Variants in IRAG1 observed in about 807,000 individuals in gnomAD.
IRAG1 encodes IP3R-associated cGMP kinase substrate.
IRAG1 carries 62 observed loss-of-function variants against 106.2 expected under a neutral mutation model. The observed-to-expected ratio is 0.58, with a 90% CI of 0.48 to 0.72. IRAG1 has a LOEUF of 0.72. IRAG1 is among the 30% of genes least tolerant of loss of function. IRAG1 has a pLI of 0.00. For missense variants in IRAG1, 1,064 were observed against 1,140.7 expected (o/e 0.93, Z 0.97); for synonymous variants, 462 against 443.9 (o/e 1.04, Z -0.51).
chr11:10,668,647 CTAACATAATTGCAAT>C (rs1179468666), intron 1 of IRAG1, among the ~76,000 whole-genome samples: 1 of 152,216 alleles, frequency 6.6e-6, no homozygotes, highest in Non-Finnish European at 1.5e-5. Context: ...CAACCCTGCT[CTAACATAATTGCAAT>C]TATTTTTTTA....
chr11:10,594,322 G>A (rs1388091531), intron 15 of IRAG1, 127 bp from the exon 16 acceptor site: 7 of 802,464 alleles, frequency 8.7e-6, no homozygotes, highest in Non-Finnish European at 1.4e-5. Flanking sequence ...CAAGGGTCTG[G>A]GTGTTGGGGA....
Position 10,659,046 on chromosome 11 carries a change from C to T in IRAG1, c.68-6864G>A, listed in dbSNP as rs1859187923. 6.6e-6 allele frequency among the ~76,000 whole-genome samples: 1 copy of T among 151,726 alleles called. No homozygotes were observed. The highest frequency in any genetic ancestry group is 2.1e-4 in the South Asian group (1 of 4,788). On this transcript the variant is annotated intron_variant, in intron 1 of 20. Transcript: ENST00000423302. The surrounding 1 kb of genome is among the most constrained non-coding windows in gnomAD (Gnocchi z 4.1). The stretch of plus-strand genomic sequence containing the variant: ...GTGCTTGCCCCAGATCTGTGCTGTG[C>T]TTAGTCCCAGGTCTGGGCTGTGCTC...
At chr11:10,632,944 T>C (rs1270760396) in intron 3 of IRAG1, among the ~76,000 whole-genome samples, 1 of 152,270 alleles carries the variant, frequency 6.6e-6, no homozygotes, top group East Asian at 1.9e-4. Context: ...TGTATATCCA[T>C]TGCTTGTATC....
chr11:10,683,228 T>C (rs1053218722), intron 1 of IRAG1, among the ~76,000 whole-genome samples: 1 of 152,166 alleles, frequency 6.6e-6, no homozygotes, highest in Non-Finnish European at 1.5e-5. Context: ...AGCACCCTCA[T>C]GTATCCATTT....
Position 10,609,787 on chromosome 11 carries a change from C to T in IRAG1, c.1512G>A (p.Met504Ile). The T allele has an allele frequency of 1.2e-6, 2 of 1,613,904 alleles. No homozygotes were observed. The change falls in exon 11 of 21, where the codon ATG (methionine) becomes ATA (isoleucine). Residue 504 changes from methionine (M) to isoleucine (I), a missense_variant. By Grantham distance (10) the Met-to-Ile change is conservative. Transcript: ENST00000423302. ...EEESKSGLDV[M>I]PNISDVLLRK... is the part of the protein sequence containing the mutation. ...GCAGCAGCACATCAGAAATATTAGG[C>T]ATGACATCTAAGCCACTCTTTGACT...
At chr11:10,582,113 A>AT in intron 18 of IRAG1, 127 bp from the exon 19 acceptor site, 3 of 1,172,974 alleles carry the variant, frequency 2.6e-6, no homozygotes, top group South Asian at 3.5e-5. Flanking sequence ...TAACTTTCAG[A>AT]TTTTTTCCCA....
In IRAG1 at chr11:10,575,687, T is replaced by A. The variant is rs1455368475; in HGVS notation, c.*645A>T. ...CAGTATGTGTGTATGTGTGGACAGA[T>A]GCGTATATAATAATTCATATCTTCC... On this transcript the variant is annotated 3_prime_UTR_variant, in exon 21 of 21. Coordinates refer to ENST00000423302, the MANE Select transcript of IRAG1 (RefSeq NM_130385.4). The A allele has an allele frequency of 6.3e-6, 1 of 157,564 alleles. No individual in the cohort carries two copies. Among genetic ancestry groups the A allele is most frequent in the Non-Finnish European group, 1.4e-5 (1 of 70,906 alleles). 9.8% of individuals were successfully genotyped at this position (157,564 alleles called of 1,614,324 possible). A position where few individuals can be genotyped will look rare whatever the true frequency, so the allele number is the denominator to read the frequency against.
intron 7 of IRAG1, 96 bp downstream of exon 7, chr11:10,627,877 C>T (rs954453810): frequency 2.1e-5 from 33 of 1,574,498 alleles, no homozygotes; most frequent in Non-Finnish European, 2.8e-5. Context: ...CCAGCACCCT[C>T]ATCTCCAGTG....
intron 12 of IRAG1, 137 bp from the exon 13 acceptor site, chr11:10,604,682 G>C (rs1238987391): frequency 7.6e-6 from 8 of 1,056,372 alleles, no homozygotes; most frequent in Non-Finnish European, 1.1e-5. Context: ...CCATGTGCAA[G>C]GGAAACGCTC....
At chr11:10,591,351 C>T (rs1256614554) in intron 18 of IRAG1, among the ~76,000 whole-genome samples, 197 bp downstream of exon 18, 1 of 152,198 alleles carries the variant, frequency 6.6e-6, no homozygotes, top group Admixed American at 6.5e-5. Context: ...CTTGGCCTCA[C>T]TCAGGGCATC....
intron 15 of IRAG1, among the ~76,000 whole-genome samples, chr11:10,595,498 T>C (rs1471083350): frequency 6.6e-6 from 1 of 152,226 alleles, no homozygotes; most frequent in African/African-American, 2.4e-5. Context: ...TATTCTTTTC[T>C]TGAATAAATC....
At chr11:10,621,639 A>C (rs1855843534) in intron 10 of IRAG1, among the ~76,000 whole-genome samples, 1 of 152,252 alleles carries the variant, frequency 6.6e-6, no homozygotes, top group South Asian at 2.1e-4. Flanking sequence ...ATTTGGAGTC[A>C]GGAGATCCTC....
At chr11:10,670,572 A>G (rs1173469622) in intron 1 of IRAG1, among the ~76,000 whole-genome samples, 2 of 152,254 alleles carry the variant, frequency 1.3e-5, no homozygotes, top group African/African-American at 4.8e-5. Context: ...GAAAACCAAG[A>G]AGGCTATTGC....
In IRAG1 at chr11:10,574,510, A is replaced by G. The variant is rs1415437633; in HGVS notation, c.*1822T>C. 3 of 152,198 alleles carry G rather than the reference A, an allele frequency of 2.0e-5. No individual in the cohort carries two copies. The highest frequency in any genetic ancestry group is 1.5e-5 in the Non-Finnish European group (1 of 68,052). The allele number at this position is 152,198 out of a possible 1,614,324, so 9.4% of individuals were successfully genotyped here. On this transcript the variant is annotated 3_prime_UTR_variant, in exon 21 of 21. Transcript: ENST00000423302. Reference sequence around the variant, plus strand: ...AAAGGTCAATAATAATAATGTTTAAAACGTGCCAGAAAGCACAGAGGAGTG... The same window carrying G: ...AAAGGTCAATAATAATAATGTTTAAGACGTGCCAGAAAGCACAGAGGAGTG...
At chr11:10,688,741 C>G (rs950335274) in intron 1 of IRAG1, among the ~76,000 whole-genome samples, 3 of 152,206 alleles carry the variant, frequency 2.0e-5, no homozygotes, top group Non-Finnish European at 4.4e-5. Context: ...GTGGAATGAC[C>G]TGACTCATTT....
At chr11:10,686,495 A>G (rs1056592293) in intron 1 of IRAG1, among the ~76,000 whole-genome samples, 2 of 152,216 alleles carry the variant, frequency 1.3e-5, no homozygotes, top group African/African-American at 4.8e-5. Flanking sequence ...ATCATTACAT[A>G]CTGAAAGAAA....
At chr11:10,669,148 A>AT (rs1433558552) in intron 1 of IRAG1, among the ~76,000 whole-genome samples, 2 of 152,164 alleles carry the variant, frequency 1.3e-5, no homozygotes, top group African/African-American at 4.8e-5. Flanking sequence ...ATGGATTGGT[A>AT]TTTTTTCTCT....
intron 2 of IRAG1, 50 bp downstream of exon 2, chr11:10,651,975 T>C: frequency 1.3e-6 from 2 of 1,510,842 alleles, no homozygotes; most frequent in Non-Finnish European, 1.8e-6. Flanking sequence ...CCCAGGGTGC[T>C]TGGCTTGGCC....
intron 4 of IRAG1, among the ~76,000 whole-genome samples, chr11:10,630,560 C>T (rs1015308169): frequency 3.3e-5 from 5 of 152,146 alleles, no homozygotes; most frequent in Non-Finnish European, 5.9e-5. Context: ...TGCCCTCAGG[C>T]GAGCTCCTCC....
Sources: gnomAD v4.1 joint callset for allele counts (sites outside exome capture counted in the v4.1 genomes callset) on GRCh38, gnomAD v4.1.1 for gene constraint, Gnocchi (gnomAD v3.1) non-coding constraint, MANE v1.5 for transcripts, NCBI Gene and HGNC (gene_info 2026-07-23, HGNC 2026-07-21) for gene names.